The following BMPER variants were observed in gnomAD, a reference collection of about 807,000 sequenced individuals.
BMPER encodes the protein BMP binding endothelial regulator, also known as BMP-binding endothelial regulator protein.
In BMPER, 45 loss-of-function variants were observed where a neutral mutation model predicts 87.3. That is an observed-to-expected ratio of 0.52 (90% CI 0.41 to 0.66). The LOEUF is 0.66. Ranked by LOEUF, BMPER falls within the 30% of genes least tolerant of loss-of-function variation. The pLI is 0.00. For missense variants in BMPER, 784 were observed against 867.5 expected, an observed-to-expected ratio of 0.90 and a Z score of 1.21; for synonymous variants, 326 against 316.2, an observed-to-expected ratio of 1.03 and a Z score of -0.33.
chr7:34,068,071 C>CCGG (rs1554313482), intron 11 of BMPER, among the ~76,000 whole-genome samples: 1 of 151,812 alleles, frequency 6.6e-6, no homozygotes, highest in Non-Finnish European at 1.5e-5. Flanking sequence ...GTAGTACCCA[C>CCGG]CAGCAGCAGC....
intron 13 of BMPER, among the ~76,000 whole-genome samples, chr7:34,126,112 G>T (rs965277666): frequency 6.6e-6 from 1 of 152,168 alleles, no homozygotes; most frequent in Non-Finnish European, 1.5e-5. Context: ...TGGGAGAATG[G>T]GGTCATTTTA....
intron 6 of BMPER, among the ~76,000 whole-genome samples, chr7:34,036,864 C>A (rs1173325416): frequency 6.6e-6 from 1 of 152,114 alleles, no homozygotes; most frequent in African/African-American, 2.4e-5. Flanking sequence ...AGAAGAATTT[C>A]TTTCTTTTTC....
At chr7:33,983,841 A>G (rs372097056) in intron 6 of BMPER, among the ~76,000 whole-genome samples, 3 of 152,202 alleles carry the variant, frequency 2.0e-5, no homozygotes, top group African/African-American at 7.2e-5. Flanking sequence ...AAATAATGGT[A>G]ATGCAAGCAT....
At chr7:33,991,789 T>A (rs1786227101) in intron 6 of BMPER, among the ~76,000 whole-genome samples, 1 of 148,916 alleles carries the variant, frequency 6.7e-6, no homozygotes, top group Non-Finnish European at 1.5e-5. Context: ...CTGCTTTGAA[T>A]GCGTCCCAGA....
intron 6 of BMPER, among the ~76,000 whole-genome samples, chr7:34,020,042 AG>A (rs1462419505): frequency 6.6e-6 from 1 of 151,114 alleles, no homozygotes; most frequent in Non-Finnish European, 1.5e-5. Context: ...AAGGGAAGTG[AG>A]GGAACAGCAT....
chr7:34,039,922 A>G (rs1419062126), intron 6 of BMPER, among the ~76,000 whole-genome samples: 1 of 152,066 alleles, frequency 6.6e-6, no homozygotes, highest in Non-Finnish European at 1.5e-5. Context: ...CATACCAGTT[A>G]TTTGAAAATA....
intron 10 of BMPER, among the ~76,000 whole-genome samples, chr7:34,060,006 C>A (rs773048718): frequency 6.6e-6 from 1 of 152,062 alleles, no homozygotes; most frequent in East Asian, 1.9e-4. Context: ...ATCTCTAATA[C>A]GTACTGAGAT....
At chr7:34,138,120 TA>T (rs1790767888) in intron 13 of BMPER, among the ~76,000 whole-genome samples, 1 of 152,234 alleles carries the variant, frequency 6.6e-6, no homozygotes, top group East Asian at 1.9e-4. Context: ...ACTGAACTTG[TA>T]ATTTTATTTA....
chr7:34,138,022 T>C (rs938793366), intron 13 of BMPER, among the ~76,000 whole-genome samples: 2 of 152,204 alleles, frequency 1.3e-5, no homozygotes, highest in African/African-American at 4.8e-5. Context: ...TCAGTGATGG[T>C]AGTGTTCTCA....
chr7:34,124,106 A>C (rs1485330403), intron 13 of BMPER, among the ~76,000 whole-genome samples: 1 of 151,874 alleles, frequency 6.6e-6, no homozygotes, highest in East Asian at 1.9e-4. Context: ...AACATATTTA[A>C]ATCTATTTCC....
chr7:34,070,567 A>G (rs1278667857), intron 11 of BMPER, among the ~76,000 whole-genome samples: 1 of 152,020 alleles, frequency 6.6e-6, no homozygotes, highest in Non-Finnish European at 1.5e-5. Context: ...CTTTCACAGA[A>G]ACCTACACCA....
At chr7:33,974,529 C>T (rs1785633800) in intron 5 of BMPER, among the ~76,000 whole-genome samples, 173 bp from the exon 6 acceptor site, 1 of 152,094 alleles carries the variant, frequency 6.6e-6, no homozygotes, top group Non-Finnish European at 1.5e-5. Flanking sequence ...GGTCCCATGC[C>T]CATCGTTTGC....
chr7:34,146,393 A>G (rs1299162032), intron 14 of BMPER, among the ~76,000 whole-genome samples: 2 of 152,114 alleles, frequency 1.3e-5, no homozygotes, highest in Non-Finnish European at 2.9e-5. Context: ...TATAGACACA[A>G]TATGTGCCCG....
chr7:34,103,861 A>T (rs1789749545), intron 13 of BMPER, among the ~76,000 whole-genome samples: 1 of 152,180 alleles, frequency 6.6e-6, no homozygotes, highest in Non-Finnish European at 1.5e-5. Flanking sequence ...CTCACCCTGG[A>T]GGTGCAAGGG....
At chr7:34,129,642 A>G (rs949117166) in intron 13 of BMPER, among the ~76,000 whole-genome samples, 7 of 146,020 alleles carry the variant, frequency 4.8e-5, no homozygotes, top group South Asian at 2.2e-4. Flanking sequence ...GAAAGAAAGA[A>G]AGAAAGAAAG....
At chr7:34,074,789 G>A (rs980647222) in intron 11 of BMPER, among the ~76,000 whole-genome samples, 3 of 152,068 alleles carry the variant, frequency 2.0e-5, no homozygotes, top group Non-Finnish European at 4.4e-5. Context: ...TTTAAAGACG[G>A]GAGAAACCTT....
chr7:34,141,777 C>T (rs1159293663), intron 13 of BMPER, among the ~76,000 whole-genome samples: 1 of 151,996 alleles, frequency 6.6e-6, no homozygotes, highest in Non-Finnish European at 1.5e-5. Flanking sequence ...CTCTTTTGTC[C>T]CTGTTTTTTC....
intron 7 of BMPER, among the ~76,000 whole-genome samples, chr7:34,046,775 T>C (rs1304170517): frequency 6.6e-6 from 1 of 152,162 alleles, no homozygotes; most frequent in Non-Finnish European, 1.5e-5. Context: ...TAGACTAGTG[T>C]TACTTTCAGA....
In BMPER at chr7:34,025,404, A is replaced by C. The variant is rs114736439; in HGVS notation, c.577-20902A>C. On this transcript the variant is annotated intron_variant, in intron 6 of 14. Coordinates refer to ENST00000649409, the MANE Select transcript of BMPER (RefSeq NM_001365308.1). ...ACCTCCACAGCCCAGCTTCAGGCGA[A>C]TGGTGGGTGTCTGGGGCCTGAGATG... Among the ~76,000 whole-genome samples the C allele has an allele frequency of 2.5e-3, 375 of 152,102 alleles. 2 individuals are homozygous for C. Among genetic ancestry groups the C allele is most frequent in the African/African-American group, 8.5e-3 (354 of 41,530 alleles).
Sources: gnomAD v4.1 joint callset for allele counts (sites outside exome capture counted in the v4.1 genomes callset) on GRCh38, gnomAD v4.1.1 for gene constraint, MANE v1.5 for transcripts, NCBI Gene and HGNC (gene_info 2026-07-23, HGNC 2026-07-21) for gene names.